FERMT2: variants seen among roughly 807,000 people sequenced by gnomAD.
The protein encoded by FERMT2 is FERM domain containing kindlin 2.
FERMT2 carries 15 observed loss-of-function variants against 82.7 expected under a neutral mutation model. That is an observed-to-expected ratio of 0.18 (90% CI 0.12 to 0.28). FERMT2 has a LOEUF of 0.28. FERMT2 is among the 10% of genes least tolerant of loss of function. The pLI is 1.00. For missense variants in FERMT2, 645 were observed against 809.4 expected, an observed-to-expected ratio of 0.80 and a Z score of 2.46; for synonymous variants, 274 against 271.5, an observed-to-expected ratio of 1.01 and a Z score of -0.09.
rs1293491636 is a variant in FERMT2 at position 52,911,724 on chromosome 14, T to C, written c.391+7399A>G. Among the ~76,000 whole-genome samples the C allele has an allele frequency of 2.6e-5, 4 of 151,472 alleles. No individual in the cohort carries two copies. The East Asian group carries it at 5.8e-4, about 22-fold the overall frequency. On this transcript the variant is annotated intron_variant, in intron 3 of 14. Transcript: ENST00000341590. ...CAGTTTAATCACTTGGCAAATCAAA[T>C]ACCCTTCCCTCTTTTCTAACACACA...
In FERMT2 at chr14:52,950,500, A is replaced by G. The variant is rs1890579434; in HGVS notation, c.69T>C (p.His23=). 1.9e-6 allele frequency: 3 copies of G among 1,613,974 alleles called. No homozygotes were observed. Among genetic ancestry groups the G allele is most frequent in the Admixed American group, 1.7e-5 (1 of 60,000 alleles). The change falls in exon 2 of 15, where the codon CAT becomes CAC. Residue 23 remains histidine, a synonymous_variant. Coordinates refer to ENST00000341590, the MANE Select transcript of FERMT2 (RefSeq NM_006832.3). ...YADGTWELSV[H]VTDLNRDVTL... Reference sequence around the variant, plus strand: ...TGACATCGCGGTTCAGGTCCGTCACATGGACACTCAGTTCCCACGTCCCGT... The same window carrying G: ...TGACATCGCGGTTCAGGTCCGTCACGTGGACACTCAGTTCCCACGTCCCGT...
In FERMT2 at chr14:52,860,030, G is replaced by T. The variant is rs112981312; in HGVS notation, c.1727+311C>A. 559 of 282,106 alleles carry T rather than the reference G, an allele frequency of 2.0e-3. 4 individuals are homozygous for T. Among genetic ancestry groups the T allele is most frequent in the African/African-American group, 0.011 (518 of 45,396 alleles). The allele number at this position is 282,106 out of a possible 1,614,324, so 17.5% of individuals were successfully genotyped here. ...GACAGGGTTTCACCGTGTTAGCCAG[G>T]ATGGTCTCTATCTCCTGACCTCGTG... On this transcript the variant is annotated intron_variant, in intron 13 of 14. Transcript: ENST00000341590.
At chr14:52,926,109 T>C (rs903953655) in intron 2 of FERMT2, among the ~76,000 whole-genome samples, 38 of 150,534 alleles carry the variant, frequency 2.5e-4, no homozygotes, top group African/African-American at 9.3e-4. Flanking sequence ...TTCCTCTAGC[T>C]AAAGACTGAG....
Position 52,859,708 on chromosome 14 carries a change from T to C in FERMT2, c.1734A>G (p.Gln578=), listed in dbSNP as rs1158405083. The change falls in exon 14 of 15, where the codon CAA becomes CAG. Residue 578 remains glutamine, a synonymous_variant. Coordinates refer to ENST00000341590, the MANE Select transcript of FERMT2 (RefSeq NM_006832.3). ...FGITHFIARF[Q]GGKKEELIGI... is the part of the protein sequence containing the mutation. ...CAATAAGTTCTTCTTTTTTGCCCCC[T>C]TGGAACCTATAACATTTAAGAAAAG... is the stretch of plus-strand genomic sequence containing the variant. The C allele has an allele frequency of 3.8e-6, 6 of 1,580,822 alleles. No homozygotes were observed. Among genetic ancestry groups the C allele is most frequent in the Non-Finnish European group, 4.3e-6 (5 of 1,162,224 alleles).
intron 7 of FERMT2, among the ~76,000 whole-genome samples, chr14:52,878,179 G>A (rs1886084797): frequency 6.6e-6 from 1 of 152,132 alleles, no homozygotes; most frequent in Non-Finnish European, 1.5e-5. Context: ...ATTTTATAGT[G>A]TGTTGTATCA....
chr14:52,895,245 T>C (rs1344889510), intron 3 of FERMT2, among the ~76,000 whole-genome samples: 5 of 152,226 alleles, frequency 3.3e-5, no homozygotes, highest in Non-Finnish European at 7.3e-5. Flanking sequence ...GAACTTGAAC[T>C]CTCATAAGCA....
chr14:52,918,756 A>T (rs1422038559), intron 3 of FERMT2, among the ~76,000 whole-genome samples: 1 of 152,206 alleles, frequency 6.6e-6, no homozygotes, highest in Non-Finnish European at 1.5e-5. Context: ...CAGGCCTTCA[A>T]TGGAGGAAGT....
chr14:52,900,332 T>C (rs2139573479), intron 3 of FERMT2, among the ~76,000 whole-genome samples: 1 of 149,430 alleles, frequency 6.7e-6, no homozygotes, highest in East Asian at 2.0e-4. Context: ...AAACAGAAGA[T>C]GAATCTAGTC....
chr14:52,892,071 C>A (rs1886960726), intron 4 of FERMT2, among the ~76,000 whole-genome samples: 2 of 151,628 alleles, frequency 1.3e-5, no homozygotes, highest in African/African-American at 4.9e-5. Flanking sequence ...GAAAGGGAAT[C>A]TAAGAAAGCT....
intron 2 of FERMT2, among the ~76,000 whole-genome samples, chr14:52,924,003 C>T (rs930504576): frequency 1.3e-5 from 2 of 152,204 alleles, no homozygotes; most frequent in African/African-American, 4.8e-5. Flanking sequence ...GAAGACTCAA[C>T]ACACTACCAA....
intron 2 of FERMT2, among the ~76,000 whole-genome samples, chr14:52,939,351 C>T (rs1439316642): frequency 3.6e-5 from 5 of 139,030 alleles, no homozygotes; most frequent in Admixed American, 1.6e-4. Flanking sequence ...CCAGCCTGGG[C>T]GACAGAGTGA....
At chr14:52,886,287 G>C (rs1566730206) in intron 4 of FERMT2, among the ~76,000 whole-genome samples, 2 of 138,858 alleles carry the variant, frequency 1.4e-5, no homozygotes, top group Non-Finnish European at 3.3e-5. Flanking sequence ...GAGAGAGAGA[G>C]AGAGACAGAC....
At chr14:52,879,240 A>G (rs1408678617) in intron 6 of FERMT2, among the ~76,000 whole-genome samples, 1 of 152,222 alleles carries the variant, frequency 6.6e-6, no homozygotes, top group African/African-American at 2.4e-5. Context: ...ATGTTTACTT[A>G]TATGTTATTC....
intron 3 of FERMT2, among the ~76,000 whole-genome samples, chr14:52,904,554 A>G (rs1015763870): frequency 1.3e-5 from 2 of 151,864 alleles, no homozygotes; most frequent in African/African-American, 4.8e-5. Flanking sequence ...TTAGCCAGGC[A>G]TGGTGGCATG....
At chr14:52,903,531 C>T (rs559940320) in intron 3 of FERMT2, among the ~76,000 whole-genome samples, 8 of 151,390 alleles carry the variant, frequency 5.3e-5, no homozygotes, top group South Asian at 2.1e-4. Context: ...GAGCAAGACC[C>T]TGTCTCTTAA....
At chr14:52,895,671 T>C (rs948850416) in intron 3 of FERMT2, among the ~76,000 whole-genome samples, 1 of 152,180 alleles carries the variant, frequency 6.6e-6, no homozygotes, top group Non-Finnish European at 1.5e-5. Context: ...TAGCTGAAGT[T>C]TGACAGGTGA....
intron 2 of FERMT2, among the ~76,000 whole-genome samples, chr14:52,933,490 C>T (rs1889683256): frequency 6.6e-6 from 1 of 151,938 alleles, no homozygotes; most frequent in Admixed American, 6.6e-5. Context: ...GGGGGGGAAT[C>T]ACCTAAGGTC....
At chr14:52,893,610 G>A (rs1292419921) in intron 3 of FERMT2, among the ~76,000 whole-genome samples, 183 bp from the exon 4 acceptor site, 1 of 152,016 alleles carries the variant, frequency 6.6e-6, no homozygotes, top group Non-Finnish European at 1.5e-5. Context: ...TTCTTAATTC[G>A]TAACTATATA....
At chr14:52,928,391 A>C (rs1372130675) in intron 2 of FERMT2, 3 of 154,834 alleles carry the variant, frequency 1.9e-5, no homozygotes, top group African/African-American at 2.4e-5. Flanking sequence ...TATAACTATT[A>C]CCATAATCAA....
Sources: gnomAD v4.1 joint callset for allele counts (sites outside exome capture counted in the v4.1 genomes callset) on GRCh38, gnomAD v4.1.1 for gene constraint, MANE v1.5 for transcripts, NCBI Gene and HGNC (gene_info 2026-07-23, HGNC 2026-07-21) for gene names.